TEAD4: variants seen among roughly 807,000 people sequenced by gnomAD.
TEAD4 encodes transcriptional enhancer factor TEF-3.
Under a neutral mutation model 52.4 loss-of-function variants are expected in TEAD4, and 36 were observed. The ratio of observed to expected loss-of-function variants is 0.69; its 90% CI spans 0.53 to 0.91. The LOEUF (loss-of-function observed/expected upper bound fraction) is 0.91. TEAD4 is among the 40% of genes least tolerant of loss of function. The pLI is 0.00. For synonymous variants in TEAD4, 220 were observed against 231.0 expected, an observed-to-expected ratio of 0.95 and a Z score of 0.43; for missense variants, 508 against 583.9, an observed-to-expected ratio of 0.87 and a Z score of 1.34.
chr12:2,997,736 C>T (rs1371054843), intron 3 of TEAD4, among the ~76,000 whole-genome samples: 4 of 149,050 alleles, frequency 2.7e-5, no homozygotes, highest in African/African-American at 5.0e-5. Flanking sequence ...TGCTAGAATG[C>T]ACTAAATCAA....
Position 3,020,486 on chromosome 12 carries a change from C to T in TEAD4, c.584-148C>T, listed in dbSNP as rs141570176. ...TGGCCCAAGCCTGGCACTCCCTCCA[C>T]CACCTCTGCTAGGAGGTCCATTTAG... On this transcript the variant is annotated intron_variant, in intron 8 of 12. Coordinates refer to ENST00000359864, the MANE Select transcript of TEAD4 (RefSeq NM_003213.4). 816 of 1,026,162 alleles carry T rather than the reference C, an allele frequency of 8.0e-4. 9 individuals carry two copies. The African/African-American group carries it at 0.012, about 15-fold the overall frequency. 63.6% of individuals were successfully genotyped at this position (1,026,162 alleles called of 1,614,324 possible). A position where few individuals can be genotyped will look rare whatever the true frequency, so the allele number is the denominator to read the frequency against.
chr12:2,992,050 G>C (rs12425886), intron 2 of TEAD4, among the ~76,000 whole-genome samples: 5 of 127,054 alleles, frequency 3.9e-5, no homozygotes, highest in Non-Finnish European at 7.9e-5. Context: ...GCGGAGTCTC[G>C]CTCTGTCGCC....
rs144194584 is a variant in TEAD4 at position 2,973,435 on chromosome 12, G to A, written c.-30+13395G>A. ...ACAGTCAGATATGTGATTTACAGAT[G>A]TTTGGAGGAAATTAGTTTATGGAGA... On this transcript the variant is annotated intron_variant, in intron 2 of 12. Coordinates refer to ENST00000359864, the MANE Select transcript of TEAD4 (RefSeq NM_003213.4). Among the ~76,000 whole-genome samples the A allele has an allele frequency of 1.1e-3, 170 of 152,334 alleles. 1 individual carries two copies. Among genetic ancestry groups the A allele is most frequent in the African/African-American group, 3.4e-3 (143 of 41,582 alleles).
intron 11 of TEAD4, among the ~76,000 whole-genome samples, chr12:3,039,621 C>A (rs925661132): frequency 1.3e-5 from 2 of 152,300 alleles, no homozygotes; most frequent in African/African-American, 4.8e-5. Flanking sequence ...CCTGCCATCC[C>A]CGGTTCCTGC....
intron 2 of TEAD4, among the ~76,000 whole-genome samples, chr12:2,969,979 TACTC>T (rs2098223787): frequency 6.6e-6 from 1 of 152,090 alleles, no homozygotes; most frequent in Non-Finnish European, 1.5e-5. Flanking sequence ...TGGTCCCAGT[TACTC>T]AGGAGGCTGA....
intron 3 of TEAD4, among the ~76,000 whole-genome samples, chr12:2,995,205 G>A (rs1181176033): frequency 1.3e-5 from 2 of 152,140 alleles, no homozygotes; most frequent in East Asian, 1.9e-4. Context: ...CTGGCGGTGA[G>A]CAGAGATGGG....
At chr12:2,960,215 C>T (rs2098214181) in intron 2 of TEAD4, 175 bp downstream of exon 2, 3 of 902,874 alleles carry the variant, frequency 3.3e-6, no homozygotes, top group African/African-American at 1.8e-5. Context: ...GGTGGACACT[C>T]GGGACTTTGG....
chr12:3,001,045 T>C (rs1328946142), intron 3 of TEAD4, among the ~76,000 whole-genome samples: 1 of 152,216 alleles, frequency 6.6e-6, no homozygotes, highest in Non-Finnish European at 1.5e-5. Flanking sequence ...CCCTGCGGCC[T>C]ACAACCCTGA....
At chr12:2,993,948 T>G (rs916154327) in intron 2 of TEAD4, among the ~76,000 whole-genome samples, 1 of 152,240 alleles carries the variant, frequency 6.6e-6, no homozygotes, top group African/African-American at 2.4e-5. Flanking sequence ...TACACCACAT[T>G]TTGTTCATGC....
Position 3,040,488 on chromosome 12 carries a change from G to C in TEAD4, c.*10G>C. The stretch of plus-strand genomic sequence containing the variant: ...GCTGGTGAAAGAATGAGAGACTCGG[G>C]GAGCAGGGAGGGGGGAAGAGACGTG... On this transcript the variant is annotated 3_prime_UTR_variant, in exon 13 of 13. Transcript: ENST00000359864. 2 of 1,612,394 alleles carry C rather than the reference G, an allele frequency of 1.2e-6. No individual in the cohort carries two copies. The highest frequency in any genetic ancestry group is 1.7e-6 in the Non-Finnish European group (2 of 1,178,620).
At chr12:3,006,899 G>A (rs760452617) in intron 3 of TEAD4, among the ~76,000 whole-genome samples, 7 of 151,756 alleles carry the variant, frequency 4.6e-5, no homozygotes, top group East Asian at 3.9e-4. Context: ...GGTGGTGTGC[G>A]CCTGTAATCC....
intron 2 of TEAD4, among the ~76,000 whole-genome samples, chr12:2,969,074 T>G (rs1212903720): frequency 1.3e-5 from 2 of 152,240 alleles, no homozygotes; most frequent in Admixed American, 6.5e-5. Flanking sequence ...TAGGTCCATC[T>G]GACCTGAAGT....
At chr12:3,029,233 A>ATTTTTTT (rs71057880) in intron 10 of TEAD4, among the ~76,000 whole-genome samples, 4 of 109,610 alleles carry the variant, frequency 3.6e-5, no homozygotes, top group South Asian at 3.1e-4. Flanking sequence ...CGCCTGGCCA[A>ATTTTTTT]TTTTTTTTTT....
At chr12:2,984,143 T>A (rs1211142695) in intron 2 of TEAD4, among the ~76,000 whole-genome samples, 1 of 152,082 alleles carries the variant, frequency 6.6e-6, no homozygotes, top group Non-Finnish European at 1.5e-5. Flanking sequence ...GGAGGTGGGT[T>A]CAAAGAAGGA....
chr12:3,017,481 T>C lies in TEAD4; in HGVS notation c.438T>C (p.Ser146=). The change falls in exon 6 of 13, where the codon AGT becomes AGC. Residue 146 remains serine (S), a synonymous_variant. Transcript: ENST00000359864. ...TCATCTCCGCCACGGCCTTCCACAG[T>C]AGCATGGCCCTCGCCCGGGGCCCCG... 6.2e-7 allele frequency: 1 copy of C among 1,614,106 alleles called. No homozygotes were observed. Among genetic ancestry groups the C allele is most frequent in the Non-Finnish European group, 8.5e-7 (1 of 1,180,016 alleles).
chr12:3,030,398 T>C (rs1739955344), intron 10 of TEAD4, among the ~76,000 whole-genome samples: 1 of 152,182 alleles, frequency 6.6e-6, no homozygotes. Flanking sequence ...CTGTCCAGTG[T>C]ACAGACTTTT....
At chr12:3,003,357 C>T (rs551091012) in intron 3 of TEAD4, among the ~76,000 whole-genome samples, 36 of 152,182 alleles carry the variant, frequency 2.4e-4, no homozygotes, top group Non-Finnish European at 8.8e-5. Flanking sequence ...TTTACTTACT[C>T]CATGCCATTT....
chr12:3,020,541 G>A, intron 8 of TEAD4, 93 bp from the exon 9 acceptor site: 9 of 1,392,766 alleles, frequency 6.5e-6, no homozygotes, highest in Non-Finnish European at 8.5e-6. Flanking sequence ...AGGCAGCACG[G>A]GTCTGTCCGA....
chr12:2,985,302 A>G (rs1014663970), intron 2 of TEAD4, among the ~76,000 whole-genome samples: 2 of 151,102 alleles, frequency 1.3e-5, no homozygotes, highest in Non-Finnish European at 1.5e-5. Flanking sequence ...GGAGAATGGC[A>G]TGAGCCTGGG....
Sources: allele counts gnomAD v4.1 joint callset (sites outside exome capture counted in the v4.1 genomes callset), GRCh38; gene constraint gnomAD v4.1.1; transcripts MANE v1.5; gene names NCBI Gene and HGNC (gene_info 2026-07-23, HGNC 2026-07-21).